The following NLN variants were observed in gnomAD, a reference collection of about 807,000 sequenced individuals.
NLN encodes neurolysin, mitochondrial.
A neutral mutation model predicts 79.9 loss-of-function variants in NLN; 64 were observed. The observed-to-expected ratio is 0.80, with a 90% CI of 0.65 to 0.99. The LOEUF (loss-of-function observed/expected upper bound fraction) is 0.99, where lower values mean the gene tolerates loss of function less well. NLN is among the 50% of genes least tolerant of loss of function. The pLI is 0.00. For missense variants in NLN, 835 were observed against 858.7 expected (o/e 0.97, Z 0.34); for synonymous variants, 267 against 296.6 (o/e 0.90, Z 1.02).
At chr5:65,783,955 G>C (rs1759859573) in intron 6 of NLN, among the ~76,000 whole-genome samples, 1 of 151,934 alleles carries the variant, frequency 6.6e-6, no homozygotes, top group Non-Finnish European at 1.5e-5. Flanking sequence ...TATGTGCCAG[G>C]CATTTGTCTA....
intron 1 of NLN, among the ~76,000 whole-genome samples, chr5:65,743,627 A>T (rs1428619746): frequency 6.6e-6 from 1 of 152,244 alleles, no homozygotes; most frequent in African/African-American, 2.4e-5. Flanking sequence ...AGAATGAGAG[A>T]TGGAGAAGAA....
At chr5:65,738,496 C>G (rs1260170467) in intron 1 of NLN, among the ~76,000 whole-genome samples, 1 of 151,030 alleles carries the variant, frequency 6.6e-6, no homozygotes, top group East Asian at 2.0e-4. Flanking sequence ...TAGCTTGAGC[C>G]CAGGAGGCAA....
chr5:65,802,596 C>T (rs1288176778), intron 9 of NLN, among the ~76,000 whole-genome samples: 1 of 152,162 alleles, frequency 6.6e-6, no homozygotes, highest in African/African-American at 2.4e-5. Flanking sequence ...CCCTTTAGGC[C>T]CCACCATTCG....
chr5:65,728,746 G>A (rs1286576843), intron 1 of NLN, among the ~76,000 whole-genome samples: 4 of 152,008 alleles, frequency 2.6e-5, no homozygotes, highest in African/African-American at 9.7e-5. Flanking sequence ...CAGGAGTTGT[G>A]GTCTGGAAAC....
At chr5:65,726,494 T>C (rs1317785344) in intron 1 of NLN, among the ~76,000 whole-genome samples, 1 of 152,188 alleles carries the variant, frequency 6.6e-6, no homozygotes, top group Non-Finnish European at 1.5e-5. Context: ...GTAAAAAGGA[T>C]AAATAATGTC....
At chr5:65,813,944 T>C (rs890517493) in intron 12 of NLN, among the ~76,000 whole-genome samples, 2 of 151,886 alleles carry the variant, frequency 1.3e-5, no homozygotes, top group African/African-American at 2.4e-5. Context: ...AAAAAAATCA[T>C]TGAGAATGAG....
intron 9 of NLN, chr5:65,792,884 T>C (rs1263713691): frequency 1.7e-6 from 1 of 585,540 alleles, no homozygotes; most frequent in Non-Finnish European, 3.2e-6. Flanking sequence ...TAACAGCCTA[T>C]GGAAAAAGAA....
intron 3 of NLN, among the ~76,000 whole-genome samples, chr5:65,765,976 G>A (rs535211140): frequency 3.3e-5 from 5 of 152,166 alleles, no homozygotes; most frequent in Admixed American, 1.3e-4. Flanking sequence ...CATGCAATAT[G>A]GGCTCCAGTT....
intron 12 of NLN, among the ~76,000 whole-genome samples, chr5:65,818,298 C>G (rs1046280102): frequency 2.0e-5 from 3 of 152,232 alleles, no homozygotes; most frequent in African/African-American, 4.8e-5. Flanking sequence ...GTTCCCTTCT[C>G]TGCTTCACAA....
In NLN at chr5:65,810,140, A is replaced by T. The variant is rs1187771166; in HGVS notation, c.1818A>T (p.Glu606Asp). Residue 606 changes from glutamate to aspartate, a missense_variant, in exon 11 of 13, where the codon GAA (glutamate) becomes GAT (aspartate). By Grantham distance (45) the Glu-to-Asp change is conservative. Coordinates refer to ENST00000380985, the MANE Select transcript of NLN (RefSeq NM_020726.5). ...GTGAATATGCCAAATACTGCTCAGA[A>T]ATATTAGGAGTTGCAGCTACTCCAG... ...AASEYAKYCS[E>D]ILGVAATPGT... is the part of the protein sequence containing the mutation. The T allele has an allele frequency of 3.7e-6, 6 of 1,613,892 alleles. No homozygotes were observed. In the African/African-American group the frequency reaches 8.0e-5, roughly 22 times the overall value.
chr5:65,730,032 T>G (rs1348270407), intron 1 of NLN, among the ~76,000 whole-genome samples: 1 of 152,252 alleles, frequency 6.6e-6, no homozygotes. Context: ...AGTAAATTGA[T>G]AATTGATTGG....
At chr5:65,740,183 C>T (rs976491547) in intron 1 of NLN, among the ~76,000 whole-genome samples, 6 of 152,120 alleles carry the variant, frequency 3.9e-5, no homozygotes, top group Admixed American at 1.3e-4. Flanking sequence ...TTATTATTTA[C>T]GGTTCTGGAA....
intron 1 of NLN, among the ~76,000 whole-genome samples, chr5:65,744,874 CA>C (rs536783803): frequency 7.6e-5 from 11 of 144,668 alleles, no homozygotes; most frequent in Non-Finnish European, 1.7e-4. Flanking sequence ...GACTTCGTTT[CA>C]AAAAAAAGAG....
intron 1 of NLN, among the ~76,000 whole-genome samples, chr5:65,730,031 A>T (rs1296661903): frequency 6.6e-6 from 1 of 152,230 alleles, no homozygotes; most frequent in Non-Finnish European, 1.5e-5. Context: ...CAGTAAATTG[A>T]TAATTGATTG....
chr5:65,816,977 G>A (rs1375207530), intron 12 of NLN, among the ~76,000 whole-genome samples: 1 of 152,140 alleles, frequency 6.6e-6, no homozygotes, highest in Non-Finnish European at 1.5e-5. Context: ...ATGCAATAGA[G>A]AAGACTGTGT....
At chr5:65,780,421 C>T in intron 5 of NLN, 140 bp downstream of exon 5, 1 of 519,270 alleles carries the variant, frequency 1.9e-6, no homozygotes, top group Non-Finnish European at 3.4e-6. Context: ...GTACCTAAGT[C>T]CACCACCCCT....
intron 9 of NLN, among the ~76,000 whole-genome samples, chr5:65,794,236 A>G (rs1377322635): frequency 6.6e-6 from 1 of 152,172 alleles, no homozygotes; most frequent in East Asian, 1.9e-4. Context: ...CTCCTGGGAA[A>G]CTTCAAAAGA....
intron 1 of NLN, among the ~76,000 whole-genome samples, chr5:65,758,274 A>G (rs890790974): frequency 3.3e-5 from 5 of 152,100 alleles, no homozygotes; most frequent in African/African-American, 1.2e-4. Flanking sequence ...TTAATTTATA[A>G]AGGAGAATTA....
Position 65,762,785 on chromosome 5 carries a change from A to G in NLN, c.302-175A>G, listed in dbSNP as rs183216850. On this transcript the variant is annotated intron_variant, in intron 2 of 12. Transcript: ENST00000380985. ...ACCGTTCATAATGATGCCAGCTGGA[A>G]CAGCCAAATCCTATATTAGATGCTT... Among the ~76,000 whole-genome samples, 288 of 152,320 alleles carry G rather than the reference A, an allele frequency of 1.9e-3. 2 individuals are homozygous for G. The highest frequency in any genetic ancestry group is 1.9e-3 in the Non-Finnish European group (130 of 68,030).
Sources: allele counts gnomAD v4.1 joint callset (sites outside exome capture counted in the v4.1 genomes callset), GRCh38; gene constraint gnomAD v4.1.1; transcripts MANE v1.5; gene names NCBI Gene and HGNC (gene_info 2026-07-23, HGNC 2026-07-21).